Variants in PIP4K2A observed in about 807,000 individuals in gnomAD.
The protein encoded by PIP4K2A is phosphatidylinositol 5-phosphate 4-kinase type-2 alpha.
In PIP4K2A, 14 loss-of-function variants were observed where a neutral mutation model predicts 42.9. That is an observed-to-expected ratio of 0.33 (90% CI 0.22 to 0.51). The LOEUF (loss-of-function observed/expected upper bound fraction) is 0.51. Ranked by LOEUF, PIP4K2A falls within the 20% of genes least tolerant of loss-of-function variation. PIP4K2A has a pLI of 0.97. For synonymous variants in PIP4K2A, 192 were observed against 192.2 expected (o/e 1.00, Z 0.01); for missense variants, 434 against 519.8 (o/e 0.83, Z 1.61).
intron 1 of PIP4K2A, among the ~76,000 whole-genome samples, chr10:22,613,806 G>T (rs1461304089): frequency 1.3e-5 from 2 of 152,170 alleles, no homozygotes; most frequent in African/African-American, 4.8e-5. Flanking sequence ...GCAGAGACAG[G>T]ATGACAGGCG....
chr10:22,675,053 C>T (rs528065779), intron 1 of PIP4K2A, among the ~76,000 whole-genome samples: 3 of 152,242 alleles, frequency 2.0e-5, no homozygotes, highest in South Asian at 4.1e-4. Flanking sequence ...AGAGAACTTA[C>T]TTTATTGCTT....
intron 1 of PIP4K2A, among the ~76,000 whole-genome samples, chr10:22,710,421 G>A (rs1797977207): frequency 6.6e-6 from 1 of 152,214 alleles, no homozygotes; most frequent in South Asian, 2.1e-4. Flanking sequence ...AAATGACCAA[G>A]GCCAGACCAA....
At chr10:22,647,627 G>A (rs1332798323) in intron 1 of PIP4K2A, among the ~76,000 whole-genome samples, 1 of 152,176 alleles carries the variant, frequency 6.6e-6, no homozygotes, top group Non-Finnish European at 1.5e-5. Flanking sequence ...TGGTGTGATA[G>A]ATGACATGAA....
intron 3 of PIP4K2A, among the ~76,000 whole-genome samples, chr10:22,598,916 TTTC>T (rs1837690105): frequency 1.3e-5 from 2 of 152,228 alleles, no homozygotes; most frequent in Non-Finnish European, 2.9e-5. Context: ...GGCTATTCCT[TTTC>T]TTCTTTCTAT....
chr10:22,681,116 C>A (rs1213908088), intron 1 of PIP4K2A, among the ~76,000 whole-genome samples: 1 of 152,168 alleles, frequency 6.6e-6, no homozygotes, highest in Non-Finnish European at 1.5e-5. Flanking sequence ...CAGATTTTTT[C>A]TTGTCATTTC....
intron 6 of PIP4K2A, among the ~76,000 whole-genome samples, chr10:22,551,794 G>C (rs960888762): frequency 6.6e-6 from 1 of 152,118 alleles, no homozygotes; most frequent in Non-Finnish European, 1.5e-5. Flanking sequence ...AAGGAAACAA[G>C]CTGCTGTCCT....
intron 1 of PIP4K2A, among the ~76,000 whole-genome samples, chr10:22,668,491 T>C (rs1210200698): frequency 6.6e-6 from 1 of 152,156 alleles, no homozygotes; most frequent in Admixed American, 6.5e-5. Context: ...TGAAATATCA[T>C]ACAAAATAAA....
chr10:22,541,300 G>A (rs1836106159), intron 8 of PIP4K2A, among the ~76,000 whole-genome samples: 1 of 152,106 alleles, frequency 6.6e-6, no homozygotes, highest in East Asian at 1.9e-4. Flanking sequence ...CTGAGAGGGA[G>A]AGGGCTGTTG....
At chr10:22,567,138 T>A (rs777407377) in intron 6 of PIP4K2A, among the ~76,000 whole-genome samples, 1 of 152,062 alleles carries the variant, frequency 6.6e-6, no homozygotes, top group Non-Finnish European at 1.5e-5. Flanking sequence ...TAACTAAGAG[T>A]ATAGATGTAC....
At chr10:22,566,256 C>T (rs1304575455) in intron 6 of PIP4K2A, among the ~76,000 whole-genome samples, 1 of 152,150 alleles carries the variant, frequency 6.6e-6, no homozygotes, top group Admixed American at 6.5e-5. Flanking sequence ...TTTAAAATTT[C>T]TCTCTTTTGT....
In PIP4K2A at chr10:22,536,409, G is replaced by A. The variant is rs905269224; in HGVS notation, c.*792C>T. 4.8e-5 allele frequency: 14 copies of A among 292,896 alleles called. No individual in the cohort carries two copies. Among genetic ancestry groups the A allele is most frequent in the African/African-American group, 1.5e-4 (7 of 46,364 alleles). 18.1% of individuals were successfully genotyped at this position (292,896 alleles called of 1,614,324 possible). ...AGCAGTTTTCCTGGACATATTGGCC[G>A]AGGTGAAAAATGTATAGAGAATCAC... On this transcript the variant is annotated 3_prime_UTR_variant, in exon 10 of 10. Coordinates refer to ENST00000376573, the MANE Select transcript of PIP4K2A (RefSeq NM_005028.5).
chr10:22,701,872 G>A (rs910941658), intron 1 of PIP4K2A, among the ~76,000 whole-genome samples: 2 of 152,178 alleles, frequency 1.3e-5, no homozygotes, highest in African/African-American at 4.8e-5. Flanking sequence ...GGCCTCATGG[G>A]TTGACAGGAA....
intron 1 of PIP4K2A, among the ~76,000 whole-genome samples, chr10:22,693,724 T>G (rs981498300): frequency 6.6e-6 from 1 of 152,130 alleles, no homozygotes; most frequent in Non-Finnish European, 1.5e-5. Flanking sequence ...TGGTGCTGCG[T>G]TGGGAGACAT....
intron 1 of PIP4K2A, among the ~76,000 whole-genome samples, chr10:22,707,949 G>A (rs1261030640): frequency 6.6e-6 from 1 of 152,150 alleles, no homozygotes; most frequent in African/African-American, 2.4e-5. Flanking sequence ...TCACTGGACT[G>A]CCATAGGAGT....
chr10:22,562,733 C>A (rs1249752507), intron 6 of PIP4K2A, among the ~76,000 whole-genome samples: 1 of 152,164 alleles, frequency 6.6e-6, no homozygotes, highest in African/African-American at 2.4e-5. Flanking sequence ...CTTCTCGACA[C>A]GCTCCTCCTG....
intron 1 of PIP4K2A, among the ~76,000 whole-genome samples, chr10:22,660,485 T>A (rs939507723): frequency 6.6e-6 from 1 of 151,652 alleles, no homozygotes; most frequent in African/African-American, 2.4e-5. Flanking sequence ...AAATAAAAAA[T>A]AAATAAACGC....
At chr10:22,713,499 C>G (rs1207834441) in intron 1 of PIP4K2A, among the ~76,000 whole-genome samples, 2 of 152,226 alleles carry the variant, frequency 1.3e-5, no homozygotes, top group Non-Finnish European at 2.9e-5. Flanking sequence ...CCAGCCCGCA[C>G]AGCGGCAGGG....
At chr10:22,709,819 T>C (rs73598596) in intron 1 of PIP4K2A, among the ~76,000 whole-genome samples, 3 of 152,110 alleles carry the variant, frequency 2.0e-5, no homozygotes, top group African/African-American at 7.2e-5. Context: ...ACTTTCTGTA[T>C]GTCTGCTTGG....
At chr10:22,669,693 C>T (rs1186432578) in intron 1 of PIP4K2A, among the ~76,000 whole-genome samples, 1 of 152,190 alleles carries the variant, frequency 6.6e-6, no homozygotes. Flanking sequence ...AGGATACAGA[C>T]GGTCTGCGAC....
Sources: gnomAD v4.1 joint callset for allele counts (sites outside exome capture counted in the v4.1 genomes callset) on GRCh38, gnomAD v4.1.1 for gene constraint, MANE v1.5 for transcripts, NCBI Gene and HGNC (gene_info 2026-07-23, HGNC 2026-07-21) for gene names.